Variants in PARG observed in about 807,000 individuals in gnomAD.
PARG encodes poly(ADP-ribose) glycohydrolase.
PARG carries 35 observed loss-of-function variants against 113.0 expected under a neutral mutation model. The ratio of observed to expected loss-of-function variants is 0.31; its 90% confidence interval spans 0.24 to 0.41. PARG has a LOEUF of 0.41. PARG is among the 10% of genes least tolerant of loss of function. PARG has a pLI of 1.00. For synonymous variants in PARG, 330 were observed against 409.9 expected (o/e 0.81, Z 2.36); for missense variants, 797 against 1,169.4 (o/e 0.68, Z 4.64).
intron 7 of PARG, among the ~76,000 whole-genome samples, chr10:49,886,062 C>T (rs1405727096): frequency 1.3e-5 from 2 of 152,150 alleles, no homozygotes; most frequent in Admixed American, 6.5e-5. Context: ...AATACTTTAT[C>T]TACTTGAAAT....
chr10:49,934,228 C>A (rs1373042592), intron 2 of PARG, 65 bp from the exon 3 acceptor site: 9 of 703,398 alleles, frequency 1.3e-5, no homozygotes, highest in Non-Finnish European at 2.0e-5. Context: ...TCCAATCATA[C>A]CCCCAGTGTC....
At position 49,931,965 on chromosome 10, in the gene PARG, G is replaced by A. The variant is rs1323954271; in HGVS notation, c.1455+135C>T. On this transcript the variant is annotated intron_variant, in intron 4 of 17. Coordinates refer to ENST00000616448, the MANE Select transcript of PARG (RefSeq NM_003631.5). ...AGTTATCATTATATTGCTCCATTCTGTAGAATTCTCAGTATTTTATATATG... is the reference window on the plus strand; with the variant it reads ...AGTTATCATTATATTGCTCCATTCTATAGAATTCTCAGTATTTTATATATG... 3 of 640,090 alleles carry A rather than the reference G, an allele frequency of 4.7e-6. No homozygotes were observed. The African/African-American group carries it at 5.6e-5, about 12-fold the overall frequency. The allele number at this position is 640,090 out of a possible 1,614,324, so 39.7% of individuals were successfully genotyped here. A position where few individuals can be genotyped will look rare whatever the true frequency, so the allele number is the denominator to read the frequency against.
Position 49,881,187 on chromosome 10 carries a change from CT to C in PARG, c.1831-1358del, listed in dbSNP as rs1474081776. 2.6e-5 allele frequency among the ~76,000 whole-genome samples: 4 copies of C among 152,254 alleles called. No homozygotes were observed. The East Asian group carries it at 7.7e-4, about 29-fold the overall frequency. On this transcript the variant is annotated intron_variant, in intron 8 of 17. Coordinates refer to ENST00000616448, the MANE Select transcript of PARG (RefSeq NM_003631.5). ...GAAAATCTTTGAATCTACCTAAGAC[CT>C]GTAAGCCCCCTTTACATGTATTGAT...
intron 6 of PARG, among the ~76,000 whole-genome samples, chr10:49,920,032 A>T (rs1215303347): frequency 5.9e-5 from 9 of 152,122 alleles, no homozygotes; most frequent in Non-Finnish European, 1.2e-4. Flanking sequence ...AAAAAGGAAT[A>T]ATGACTACAA....
chr10:49,837,988 T>G (rs1394952378), intron 15 of PARG, among the ~76,000 whole-genome samples: 1 of 152,216 alleles, frequency 6.6e-6, no homozygotes, highest in Non-Finnish European at 1.5e-5. Flanking sequence ...CAGAAGTTTA[T>G]GATCACAAAA....
intron 7 of PARG, among the ~76,000 whole-genome samples, chr10:49,906,710 G>C (rs1848609012): frequency 6.6e-6 from 1 of 152,002 alleles, no homozygotes; most frequent in African/African-American, 2.4e-5. Context: ...TTGGTACATA[G>C]AAAACTCTCA....
intron 7 of PARG, among the ~76,000 whole-genome samples, chr10:49,903,599 G>A (rs1235819245): frequency 2.4e-4 from 37 of 152,160 alleles, no homozygotes; most frequent in African/African-American, 8.7e-4. Context: ...ACAAGTACAT[G>A]GAGTTGTGCA....
intron 7 of PARG, among the ~76,000 whole-genome samples, chr10:49,914,237 C>G (rs1463615115): frequency 1.3e-5 from 2 of 152,208 alleles, no homozygotes; most frequent in Admixed American, 6.5e-5. Context: ...CCCCAATTAA[C>G]CATCATGTCC....
intron 4 of PARG, among the ~76,000 whole-genome samples, chr10:49,923,652 C>T (rs1481868522): frequency 1.3e-4 from 19 of 151,908 alleles, no homozygotes; most frequent in African/African-American, 3.6e-4. Flanking sequence ...AAGCAGCCGG[C>T]GCCAGGGAAA....
chr10:49,926,036 T>C (rs1393475333), intron 4 of PARG, among the ~76,000 whole-genome samples: 3 of 152,200 alleles, frequency 2.0e-5, no homozygotes, highest in Non-Finnish European at 2.9e-5. Flanking sequence ...AGCTAAACAT[T>C]TGATTTTTTT....
intron 13 of PARG, among the ~76,000 whole-genome samples, chr10:49,852,547 T>C (rs1291618718): frequency 7.0e-6 from 1 of 143,626 alleles, no homozygotes; most frequent in Non-Finnish European, 1.6e-5. Context: ...GACAATGTAC[T>C]GGCTACTTTC....
chr10:49,941,517 G>C lies in PARG; in HGVS notation c.209C>G (p.Thr70Ser). 1 of 1,552,096 alleles carries C rather than the reference G, an allele frequency of 6.4e-7. No individual in the cohort carries two copies. Among genetic ancestry groups the C allele is most frequent in the Non-Finnish European group, 8.7e-7 (1 of 1,147,080 alleles). Residue 70 changes from threonine (T) to serine (S), a missense_variant, in exon 1 of 18, where the codon ACC becomes AGC. Coordinates refer to ENST00000616448, the MANE Select transcript of PARG (RefSeq NM_003631.5). Reference sequence around the variant, plus strand: ...TTTATTTTCCCACGTACCAAGCGAGGTGGCGCTGCCTCTGTGCTGTCCCGC... The same window carrying C: ...TTTATTTTCCCACGTACCAAGCGAGCTGGCGCTGCCTCTGTGCTGTCCCGC... ...GRAGQHRGSA[T>S]SLVFKQKTIT...
chr10:49,928,644 A>G (rs1344803630), intron 4 of PARG, among the ~76,000 whole-genome samples: 1 of 152,202 alleles, frequency 6.6e-6, no homozygotes, highest in Non-Finnish European at 1.5e-5. Flanking sequence ...AGCTAGGACT[A>G]CAGGCATGTG....
intron 16 of PARG, among the ~76,000 whole-genome samples, chr10:49,822,608 T>C (rs1293841620): frequency 1.3e-5 from 2 of 152,166 alleles, no homozygotes; most frequent in African/African-American, 2.4e-5. Context: ...GTGGTAAAGG[T>C]CAGGCAAGAA....
At chr10:49,862,589 C>A (rs2132545480) in intron 11 of PARG, among the ~76,000 whole-genome samples, 1 of 151,060 alleles carries the variant, frequency 6.6e-6, no homozygotes, top group Admixed American at 6.6e-5. Context: ...TGCACAGGTT[C>A]TGTCTAAGAG....
rs564603734 is a variant in PARG at position 49,837,114 on chromosome 10, TC to T, written c.2542-4207del. ...TATGAGTTAGATAGAAGGAGACTGG[TC>T]CCCCCCTTTAAAAACCAACTCTACT... On this transcript the variant is annotated intron_variant, in intron 15 of 17. Coordinates refer to ENST00000616448, the MANE Select transcript of PARG (RefSeq NM_003631.5). 1.4e-3 allele frequency among the ~76,000 whole-genome samples: 212 copies of T among 152,040 alleles called. 1 individual carries two copies. Among genetic ancestry groups the T allele is most frequent in the African/African-American group, 4.8e-3 (200 of 41,478 alleles).
chr10:49,842,926 T>C (rs1399619253), intron 14 of PARG, among the ~76,000 whole-genome samples: 1 of 152,216 alleles, frequency 6.6e-6, no homozygotes, highest in East Asian at 1.9e-4. Flanking sequence ...GAGCTGATTC[T>C]TTCTGCCACA....
At chr10:49,900,785 C>T (rs576362181) in intron 7 of PARG, among the ~76,000 whole-genome samples, 15 of 151,692 alleles carry the variant, frequency 9.9e-5, no homozygotes, top group Middle Eastern at 3.4e-3. Context: ...TATTACTGTA[C>T]GACTACATGG....
chr10:49,917,680 G>A (rs1554848045), intron 6 of PARG, among the ~76,000 whole-genome samples: 1 of 151,064 alleles, frequency 6.6e-6, no homozygotes, highest in Non-Finnish European at 1.5e-5. Flanking sequence ...AACCAGGCAT[G>A]GTGGTGCGTG....
Sources: allele counts gnomAD v4.1 joint callset (sites outside exome capture counted in the v4.1 genomes callset), GRCh38; gene constraint gnomAD v4.1.1; transcripts MANE v1.5; gene names NCBI Gene and HGNC (gene_info 2026-07-23, HGNC 2026-07-21).